The following KAT6A variants were observed in gnomAD, a reference collection of about 807,000 sequenced individuals.
The protein encoded by KAT6A is lysine acetyltransferase 6A.
KAT6A carries 9 observed loss-of-function variants against 198.4 expected under a neutral mutation model. The observed-to-expected ratio is 0.05, with a 90% CI of 0.03 to 0.08. KAT6A has a LOEUF of 0.08. KAT6A is among the 10% of genes least tolerant of loss of function. The pLI is 1.00. For missense variants in KAT6A, 2,077 were observed against 2,509.9 expected (o/e 0.83, Z 3.69); for synonymous variants, 890 against 883.0 (o/e 1.01, Z -0.14).
chr8:41,979,952 T>C (rs542064824), intron 5 of KAT6A, among the ~76,000 whole-genome samples: 1 of 149,914 alleles, frequency 6.7e-6, no homozygotes, highest in South Asian at 2.2e-4. Context: ...TGAGCCAAGA[T>C]CCTGGGCGAC....
At chr8:41,946,525 C>T (rs896023245) in intron 12 of KAT6A, 66 bp downstream of exon 12, 23 of 785,178 alleles carry the variant, frequency 2.9e-5, no homozygotes, top group South Asian at 4.2e-5. Flanking sequence ...CACACACACA[C>T]ACACACACAC....
intron 15 of KAT6A, 140 bp from the exon 16 acceptor site, chr8:41,937,708 T>TA: frequency 1.6e-6 from 1 of 633,884 alleles, no homozygotes; most frequent in Non-Finnish European, 2.7e-6. Context: ...TTGAATATTA[T>TA]TTCAAAATAC....
Position 41,931,446 on chromosome 8 carries a change from T to A in KAT6A, c.*759A>T, listed in dbSNP as rs1821537641. 4.8e-6 allele frequency: 1 copy of A among 207,790 alleles called. No homozygotes were observed. Among genetic ancestry groups the A allele is most frequent in the South Asian group, 1.9e-4 (1 of 5,294 alleles). 12.9% of individuals were successfully genotyped at this position (207,790 alleles called of 1,614,324 possible). A position where few individuals can be genotyped will look rare whatever the true frequency, so the allele number is the denominator to read the frequency against. On this transcript the variant is annotated 3_prime_UTR_variant, in exon 17 of 17. Transcript: ENST00000265713. ...CTTACAGTATTTTTGTGTCTCTGAGTGCTGAGTGGGAATATTTTAAAAAAG... is the reference window on the plus strand; with the variant it reads ...CTTACAGTATTTTTGTGTCTCTGAGAGCTGAGTGGGAATATTTTAAAAAAG...
At chr8:42,019,131 A>T (rs1257601626) in intron 2 of KAT6A, among the ~76,000 whole-genome samples, 1 of 152,190 alleles carries the variant, frequency 6.6e-6, no homozygotes, top group Non-Finnish European at 1.5e-5. Flanking sequence ...TGTAAAAATA[A>T]GGGTTTGAAT....
intron 3 of KAT6A, among the ~76,000 whole-genome samples, chr8:41,984,309 ACTCT>A (rs1167437681): frequency 6.6e-6 from 1 of 151,884 alleles, no homozygotes; most frequent in Non-Finnish European, 1.5e-5. Context: ...ATTCCACCTC[ACTCT>A]CTCTCAGACA....
chr8:41,986,767 G>A (rs569263786), intron 3 of KAT6A, among the ~76,000 whole-genome samples: 1 of 152,282 alleles, frequency 6.6e-6, no homozygotes, highest in East Asian at 1.9e-4. Flanking sequence ...GCCGGGTGTG[G>A]TGGCTCACAT....
chr8:41,985,917 G>A (rs904527725), intron 3 of KAT6A, among the ~76,000 whole-genome samples: 1 of 151,936 alleles, frequency 6.6e-6, no homozygotes. Flanking sequence ...CTTCCTGTAA[G>A]GTCTTGTAAG....
chr8:41,946,481 A>AATAT, intron 12 of KAT6A, 110 bp downstream of exon 12: 1 of 411,406 alleles, frequency 2.4e-6, no homozygotes, highest in Non-Finnish European at 4.1e-6. Flanking sequence ...CAAATCTTTA[A>AATAT]ATATATATAT....
intron 2 of KAT6A, among the ~76,000 whole-genome samples, chr8:42,012,783 T>G (rs1048840771): frequency 6.6e-6 from 1 of 152,178 alleles, no homozygotes; most frequent in Non-Finnish European, 1.5e-5. Context: ...GAAAGCTTAT[T>G]CATAATTGCC....
chr8:42,029,561 T>G (rs1269656197), intron 2 of KAT6A, among the ~76,000 whole-genome samples: 4 of 150,724 alleles, frequency 2.7e-5, no homozygotes, highest in Non-Finnish European at 4.4e-5. Context: ...CAGTTGTAGT[T>G]TTTTTTTGTT....
intron 6 of KAT6A, among the ~76,000 whole-genome samples, chr8:41,978,357 A>T (rs1408641074): frequency 6.6e-6 from 1 of 152,234 alleles, no homozygotes; most frequent in East Asian, 1.9e-4. Context: ...TTTTCATCCC[A>T]GTTCAACATT....
At chr8:41,945,287 T>G (rs1822320331) in intron 12 of KAT6A, among the ~76,000 whole-genome samples, 1 of 151,866 alleles carries the variant, frequency 6.6e-6, no homozygotes, top group Admixed American at 6.6e-5. Flanking sequence ...TTTTTTTTTT[T>G]TTGAGATGGA....
At chr8:41,974,080 A>ATT (rs796541449) in intron 8 of KAT6A, among the ~76,000 whole-genome samples, 6 of 146,386 alleles carry the variant, frequency 4.1e-5, no homozygotes, top group African/African-American at 1.2e-4. Context: ...AAGAATTGCA[A>ATT]TTTTTTTTTT....
intron 2 of KAT6A, among the ~76,000 whole-genome samples, chr8:42,046,884 G>A (rs906362109): frequency 6.6e-6 from 1 of 151,974 alleles, no homozygotes; most frequent in Non-Finnish European, 1.5e-5. Flanking sequence ...TCATTTCAAG[G>A]GTAATAACAG....
chr8:41,995,186 CAAT>C (rs1003391798), intron 2 of KAT6A, among the ~76,000 whole-genome samples: 19 of 152,228 alleles, frequency 1.2e-4, no homozygotes, highest in African/African-American at 4.3e-4. Context: ...ATAGAAAGAA[CAAT>C]GAGTTGGGTA....
chr8:42,002,188 A>G (rs1373156063), intron 2 of KAT6A, among the ~76,000 whole-genome samples: 1 of 152,216 alleles, frequency 6.6e-6, no homozygotes, highest in Admixed American at 6.5e-5. Context: ...ACATCCCCAG[A>G]AAGATTAATT....
At chr8:42,045,691 G>T (rs181710268) in intron 2 of KAT6A, among the ~76,000 whole-genome samples, 52 of 151,676 alleles carry the variant, frequency 3.4e-4, no homozygotes, top group Middle Eastern at 3.4e-3. Context: ...AATCAAATGT[G>T]GCCAGGTGCG....
chr8:41,964,392 C>G (rs998678823), intron 8 of KAT6A, among the ~76,000 whole-genome samples: 4 of 152,068 alleles, frequency 2.6e-5, no homozygotes, highest in African/African-American at 9.7e-5. Flanking sequence ...CCCTTATCCA[C>G]CCACTGGGAA....
intron 15 of KAT6A, among the ~76,000 whole-genome samples, chr8:41,940,298 A>C (rs571477943): frequency 5.3e-5 from 8 of 152,234 alleles, no homozygotes; most frequent in Non-Finnish European, 1.2e-4. Flanking sequence ...TTTTTAAAGC[A>C]AGAGAGACCA....
Sources: allele counts gnomAD v4.1 joint callset (sites outside exome capture counted in the v4.1 genomes callset), GRCh38; gene constraint gnomAD v4.1.1; transcripts MANE v1.5; gene names NCBI Gene and HGNC (gene_info 2026-07-23, HGNC 2026-07-21).